The following CCNA2 variants were observed in gnomAD, a reference collection of about 807,000 sequenced individuals.
CCNA2 encodes the protein cyclin-A2.
CCNA2 carries 3 observed loss-of-function variants against 49.4 expected under a neutral mutation model. The observed-to-expected ratio is 0.06, with a 90% CI of 0.03 to 0.16. The LOEUF is 0.16. Among genes scored for constraint, CCNA2 ranks in the 10% least tolerant of loss-of-function variants. CCNA2 has a pLI of 1.00. For missense variants in CCNA2, 372 were observed against 519.7 expected (o/e 0.72, Z 2.76); for synonymous variants, 206 against 197.2 (o/e 1.04, Z -0.37).
At position 121,816,672 on chromosome 4, in the gene CCNA2, C is replaced by CA; in HGVS notation, c.*965dup. 1 of 1,217,368 alleles carries CA rather than the reference C, an allele frequency of 8.2e-7. No homozygotes were observed. Among genetic ancestry groups the CA allele is most frequent in the Non-Finnish European group, 1.1e-6 (1 of 896,572 alleles). The allele number at this position is 1,217,368 out of a possible 1,614,324, so 75.4% of individuals were successfully genotyped here. On this transcript the variant is annotated 3_prime_UTR_variant, in exon 8 of 8. Transcript: ENST00000274026. The stretch of plus-strand genomic sequence containing the variant: ...GGATGCCAGTCTTACTCATAGCTGA[C>CA]ACATTTTAGATCCTACTGGAAAACT...
chr4:121,820,127 G>GCTGT lies in CCNA2; in HGVS notation c.794+414_794+415insACAG, dbSNP rs1392509146. 1.3e-5 allele frequency among the ~76,000 whole-genome samples: 2 copies of GCTGT among 151,870 alleles called. No homozygotes were observed. Among genetic ancestry groups the GCTGT allele is most frequent in the Non-Finnish European group, 2.9e-5 (2 of 67,950 alleles). On this transcript the variant is annotated intron_variant, in intron 4 of 7. Transcript: ENST00000274026. The surrounding 1 kb of genome is among the most constrained non-coding windows in gnomAD (Gnocchi z 4.1). ...AGCTAATTTTTGTATTTTTAGTAGA[G>GCTGT]ACAGGGTTTCGCCATGATGGCCAGG...
At chr4:121,819,012 C>A in intron 5 of CCNA2, 99 bp from the exon 6 acceptor site, 1 of 703,246 alleles carries the variant, frequency 1.4e-6, no homozygotes, top group South Asian at 1.7e-5. Flanking sequence ...GATAACGGCT[C>A]TGTAGCAACT....
At chr4:121,817,849 A>G (rs1024071223) in intron 7 of CCNA2, among the ~76,000 whole-genome samples, 163 bp from the exon 8 acceptor site, 5 of 152,324 alleles carry the variant, frequency 3.3e-5, no homozygotes, top group East Asian at 1.9e-4. Context: ...ACACACATGC[A>G]TGCCCCCTTC....
In CCNA2 at chr4:121,817,584, C is replaced by T; in HGVS notation, c.*54G>A. ...ATTAAAACCTAAGTTAAAAACTGTA[C>T]ACCATATACTTTGAGTGATTTACAT... On this transcript the variant is annotated 3_prime_UTR_variant, in exon 8 of 8. Coordinates refer to ENST00000274026, the MANE Select transcript of CCNA2 (RefSeq NM_001237.5). 1.2e-6 allele frequency: 2 copies of T among 1,603,552 alleles called. No homozygotes were observed. Among genetic ancestry groups the T allele is most frequent in the Non-Finnish European group, 1.7e-6 (2 of 1,174,248 alleles).
Position 121,817,391 on chromosome 4 carries a change from T to TA in CCNA2, c.*246dup, listed in dbSNP as rs1724565008. 5.3e-6 allele frequency: 2 copies of TA among 375,484 alleles called. No homozygotes were observed. The highest frequency in any genetic ancestry group is 9.4e-6 in the Non-Finnish European group (2 of 212,528). 23.3% of individuals were successfully genotyped at this position (375,484 alleles called of 1,614,324 possible). A position where few individuals can be genotyped will look rare whatever the true frequency, so the allele number is the denominator to read the frequency against. On this transcript the variant is annotated 3_prime_UTR_variant, in exon 8 of 8. Transcript: ENST00000274026. ...TGCAAAGTTTTCCAAATCAATTTAT[T>TA]ATCCTGACAGCTGGCATCATTAATA...
At chr4:121,822,382 C>T (rs762304434) in intron 2 of CCNA2, 21 bp downstream of exon 2, 1 of 1,606,260 alleles carries the variant, frequency 6.2e-7, no homozygotes, top group African/African-American at 1.3e-5. Flanking sequence ...TAATTCCACA[C>T]AGATTTTCCT....
rs769239 is a variant in CCNA2 at position 121,823,753 on chromosome 4, A to T, written c.-125T>A. Reference sequence around the variant, plus strand: ...GTAGCCGCCGGTCGCAGCCCAGGCCAGCCTACCAGCCCGCCCGCTCGCTCA... The same window carrying T: ...GTAGCCGCCGGTCGCAGCCCAGGCCTGCCTACCAGCCCGCCCGCTCGCTCA... On this transcript the variant is annotated 5_prime_UTR_variant, in exon 1 of 8. Transcript: ENST00000274026. The T allele has an allele frequency of 1.3e-5, 19 of 1,430,534 alleles. No individual in the cohort carries two copies. The South Asian group carries it at 2.5e-4, about 19-fold the overall frequency. The allele number at this position is 1,430,534 out of a possible 1,614,324, so 88.6% of individuals were successfully genotyped here.
At chr4:121,822,685 C>A in intron 1 of CCNA2, 39 bp from the exon 2 acceptor site, 1 of 1,594,748 alleles carries the variant, frequency 6.3e-7, no homozygotes, top group South Asian at 1.1e-5. Context: ...GCCTACTAGT[C>A]TTGCATTCTT....
chr4:121,819,938 T>C (rs1169946632), intron 4 of CCNA2, among the ~76,000 whole-genome samples: 1 of 149,910 alleles, frequency 6.7e-6, no homozygotes, highest in Non-Finnish European at 1.5e-5. Context: ...AGTTTTTCTT[T>C]CTTTTTTTTT....
rs1469979642 is a variant in CCNA2, at chr4:121,820,033, T to C, written c.795-454A>G. On this transcript the variant is annotated intron_variant, in intron 4 of 7. Transcript: ENST00000274026. The surrounding 1 kb of genome is among the most constrained non-coding windows in gnomAD (Gnocchi z 4.1). The stretch of plus-strand genomic sequence containing the variant: ...TTAGCTCGCTGCAACTTCCACCTCC[T>C]GGGTTCAAGCGATTCTCTTGCCTCA... 1.3e-5 allele frequency among the ~76,000 whole-genome samples: 2 copies of C among 151,038 alleles called. No homozygotes were observed. The highest frequency in any genetic ancestry group is 3.0e-5 in the Non-Finnish European group (2 of 67,796).
At chr4:121,822,297 C>A in intron 2 of CCNA2, 106 bp downstream of exon 2, 1 of 1,108,516 alleles carries the variant, frequency 9.0e-7, no homozygotes, top group South Asian at 1.6e-5. Flanking sequence ...AAACCTAACT[C>A]ACTATAGTCA....
In CCNA2 at chr4:121,819,514, G is replaced by C. The variant is rs772000562; in HGVS notation, c.860C>G (p.Thr287Ser). 6.2e-7 allele frequency: 1 copy of C among 1,613,794 alleles called. No individual in the cohort carries two copies. The highest frequency in any genetic ancestry group is 1.1e-5 in the South Asian group (1 of 91,072). ...CTCCATTCTCAGAACTTGTTTCTTG[G>C]TGTAGGTATCATCTGTAATGTACAC... Reference protein sequence around the residue: ...EFVYITDDTYTKKQVLRMEHL... With the variant: ...EFVYITDDTYSKKQVLRMEHL... Residue 287 changes from threonine to serine, a missense_variant, in exon 5 of 8, where the codon ACC becomes AGC. Thr to Ser is a moderately conservative substitution (Grantham distance 58). This residue lies in a region of CCNA2 where 155 missense variants were observed against 288.1 expected (regional missense o/e 0.54). Transcript: ENST00000274026.
At position 121,818,929 on chromosome 4, in the gene CCNA2, C is replaced by T; in HGVS notation, c.1003-16G>A. 2 of 1,468,908 alleles carry T rather than the reference C, an allele frequency of 1.4e-6. No homozygotes were observed. The highest frequency in any genetic ancestry group is 1.9e-6 in the Non-Finnish European group (2 of 1,047,602). The allele number at this position is 1,468,908 out of a possible 1,614,324, so 91.0% of individuals were successfully genotyped here. On this transcript the variant is annotated splice_polypyrimidine_tract_variant and intron_variant, in intron 5 of 7. Coordinates refer to ENST00000274026, the MANE Select transcript of CCNA2 (RefSeq NM_001237.5). ...CTCCCAAAAACTGGAATAAAAAATA[C>T]TTTATGATCACAAGAGCGTTTAGAA... is the stretch of plus-strand genomic sequence containing the variant.
chr4:121,819,048 T>C (rs1485438460), intron 5 of CCNA2, 135 bp from the exon 6 acceptor site: 1 of 632,490 alleles, frequency 1.6e-6, no homozygotes, highest in Non-Finnish European at 2.8e-6. Flanking sequence ...CACAGCCTCA[T>C]CTTTAAACAT....
Position 121,817,550 on chromosome 4 carries a change from G to GAT in CCNA2, c.*86_*87dup, listed in dbSNP as rs1271103420. On this transcript the variant is annotated 3_prime_UTR_variant, in exon 8 of 8. Transcript: ENST00000274026. ...GGCCACAACTTCTGTATTCAGAAAT[G>GAT]ATTGTAAAATTAAAACCTAAGTTAA... 1 of 1,513,512 alleles carries GAT rather than the reference G, an allele frequency of 6.6e-7. No homozygotes were observed. The highest frequency in any genetic ancestry group is 9.0e-7 in the Non-Finnish European group (1 of 1,106,240). The allele number at this position is 1,513,512 out of a possible 1,614,324, so 93.8% of individuals were successfully genotyped here. A position where few individuals can be genotyped will look rare whatever the true frequency, so the allele number is the denominator to read the frequency against.
Position 121,817,451 on chromosome 4 carries a change from TA to T in CCNA2, c.*186del. On this transcript the variant is annotated 3_prime_UTR_variant, in exon 8 of 8. Coordinates refer to ENST00000274026, the MANE Select transcript of CCNA2 (RefSeq NM_001237.5). ...AACCACTTAAAATTAGCCAAATATC[TA>T]AGACAGATACATATACAAAAGATAT... 1.7e-6 allele frequency: 1 copy of T among 601,446 alleles called. No individual in the cohort carries two copies. Among genetic ancestry groups the T allele is most frequent in the Non-Finnish European group, 2.7e-6 (1 of 367,144 alleles). 37.3% of individuals were successfully genotyped at this position (601,446 alleles called of 1,614,324 possible).
At position 121,823,629 on chromosome 4, in the gene CCNA2, C is replaced by T. The variant is rs1356972435; in HGVS notation, c.-1G>A. On this transcript the variant is annotated 5_prime_UTR_variant, in exon 1 of 8. Coordinates refer to ENST00000274026, the MANE Select transcript of CCNA2 (RefSeq NM_001237.5). ...GCCCCGGCGCAGAGTTGCCCAACATCACTGCTCCCGGGAGTGGACGGCGGG... is the reference window on the plus strand; with the variant it reads ...GCCCCGGCGCAGAGTTGCCCAACATTACTGCTCCCGGGAGTGGACGGCGGG... The T allele has an allele frequency of 6.3e-7, 1 of 1,582,474 alleles. No homozygotes were observed.
chr4:121,821,218 C>A, intron 2 of CCNA2, 127 bp from the exon 3 acceptor site: 1 of 1,162,458 alleles, frequency 8.6e-7, no homozygotes, highest in African/African-American at 1.6e-5. Flanking sequence ...AAAAGAGCTT[C>A]TCATGACAAA....
At position 121,823,815 on chromosome 4, in the gene CCNA2, A is replaced by C; in HGVS notation, c.-187T>G. 8.7e-7 allele frequency: 1 copy of C among 1,151,288 alleles called. No homozygotes were observed. Among genetic ancestry groups the C allele is most frequent in the Non-Finnish European group, 1.2e-6 (1 of 851,380 alleles). The allele number at this position is 1,151,288 out of a possible 1,614,324, so 71.3% of individuals were successfully genotyped here. ...ACCACGCAGGGCCGAGGAGGTTGCG[A>C]AAGGCGCAGGCAGGCACTGCCCAGC... On this transcript the variant is annotated 5_prime_UTR_variant, in exon 1 of 8. Coordinates refer to ENST00000274026, the MANE Select transcript of CCNA2 (RefSeq NM_001237.5).
Sources: gnomAD v4.1 joint callset for allele counts (sites outside exome capture counted in the v4.1 genomes callset) on GRCh38, gnomAD v4.1.1 for gene constraint, gnomAD v4.1.1 regional missense constraint, Gnocchi (gnomAD v3.1) non-coding constraint, MANE v1.5 for transcripts, NCBI Gene and HGNC (gene_info 2026-07-23, HGNC 2026-07-21) for gene names.